Variants in R3HCC1L observed in about 807,000 individuals in gnomAD.
R3HCC1L encodes R3H domain and coiled-coil containing 1 like.
Under a neutral mutation model 59.9 loss-of-function variants are expected in R3HCC1L, and 51 were observed. That is an observed-to-expected ratio of 0.85 (90% confidence interval 0.68 to 1.07). R3HCC1L has a LOEUF of 1.07. Ranked by LOEUF, R3HCC1L falls within the 50% of genes least tolerant of loss-of-function variation. R3HCC1L has a pLI of 0.00. For missense variants in R3HCC1L, 965 were observed against 933.0 expected, an observed-to-expected ratio of 1.03 and a Z score of -0.45; for synonymous variants, 322 against 315.2, an observed-to-expected ratio of 1.02 and a Z score of -0.23.
Position 98,231,563 on chromosome 10 carries a change from T to C in R3HCC1L, c.1837T>C (p.Tyr613His). The C allele has an allele frequency of 6.2e-7, 1 of 1,613,260 alleles. No individual in the cohort carries two copies. Among genetic ancestry groups the C allele is most frequent in the Non-Finnish European group, 8.5e-7 (1 of 1,179,466 alleles). ...RESIQEPRSDYYNHEVPDIDL... is the reference protein window; with the variant it reads ...RESIQEPRSDHYNHEVPDIDL... ...GAGCATCCAGGAACCTAGATCTGAT[T>C]ACTACAATCATGAAGTTCCTGATAT... Residue 613 changes from tyrosine (Y) to histidine (H), a missense_variant, in exon 6 of 10, where the codon TAC becomes CAC. Coordinates refer to ENST00000298999, the MANE Select transcript of R3HCC1L (RefSeq NM_001351015.2).
chr10:98,151,330 A>C (rs1445240447), intron 1 of R3HCC1L, among the ~76,000 whole-genome samples: 6 of 152,118 alleles, frequency 3.9e-5, no homozygotes, highest in Admixed American at 2.6e-4. Context: ...TGTCTTGAGC[A>C]ATTTATTTAA....
rs757629684 is a variant in R3HCC1L at position 98,208,318 on chromosome 10, T to C, written c.204T>C (p.Ala68=). ...AAGTCTTTAAAGACAAACCGGAGGC[T>C]CGAAGACTAAATATCAATCCTGATA... ...QKEVFKDKPE[A]RRLNINPDRK... The change falls in exon 5 of 10, where the codon GCT becomes GCC. Residue 68 remains alanine, a synonymous_variant. Coordinates refer to ENST00000298999, the MANE Select transcript of R3HCC1L (RefSeq NM_001351015.2). 1.9e-6 allele frequency: 3 copies of C among 1,614,096 alleles called. No individual in the cohort carries two copies. The South Asian group carries it at 3.3e-5, about 18-fold the overall frequency.
intron 4 of R3HCC1L, among the ~76,000 whole-genome samples, chr10:98,184,199 AT>A (rs1849984170): frequency 6.6e-6 from 1 of 151,948 alleles, no homozygotes; most frequent in Non-Finnish European, 1.5e-5. Flanking sequence ...GTTTTTCTTA[AT>A]GTCTACCCTC....
At chr10:98,172,920 G>C (rs952395210) in intron 4 of R3HCC1L, among the ~76,000 whole-genome samples, 3 of 152,168 alleles carry the variant, frequency 2.0e-5, no homozygotes, top group African/African-American at 7.2e-5. Flanking sequence ...GACCCTTTCG[G>C]TGGGGAATTT....
At chr10:98,231,404 G>A (rs1220557098) in intron 5 of R3HCC1L, 108 bp from the exon 6 acceptor site, 1 of 1,035,524 alleles carries the variant, frequency 9.7e-7, no homozygotes, top group Non-Finnish European at 1.4e-6. Flanking sequence ...AAAGGTTGAG[G>A]AATGGGAACA....
intron 1 of R3HCC1L, among the ~76,000 whole-genome samples, chr10:98,154,238 T>G (rs1846606678): frequency 6.8e-6 from 1 of 146,966 alleles, no homozygotes; most frequent in Admixed American, 6.8e-5. Flanking sequence ...AGTAAGGCAG[T>G]ACATCTTAGC....
chr10:98,188,999 G>T (rs1205569394), intron 4 of R3HCC1L, among the ~76,000 whole-genome samples: 1 of 152,138 alleles, frequency 6.6e-6, no homozygotes, highest in Non-Finnish European at 1.5e-5. Flanking sequence ...GAGTTGTCAG[G>T]TGAGCAAATA....
At chr10:98,238,531 T>G (rs765601667) in intron 9 of R3HCC1L, among the ~76,000 whole-genome samples, 4 of 152,178 alleles carry the variant, frequency 2.6e-5, no homozygotes, top group Non-Finnish European at 5.9e-5. Context: ...TTACAGGTTA[T>G]GATGATATTG....
intron 9 of R3HCC1L, among the ~76,000 whole-genome samples, chr10:98,238,373 C>T (rs1857178760): frequency 6.6e-6 from 1 of 152,180 alleles, no homozygotes. Flanking sequence ...TGAAGATAAT[C>T]TGCCTTGAGT....
At chr10:98,221,759 C>G (rs975831114) in intron 5 of R3HCC1L, among the ~76,000 whole-genome samples, 138 of 152,282 alleles carry the variant, frequency 9.1e-4, no homozygotes, top group African/African-American at 2.9e-3. Flanking sequence ...GGTACCAGTA[C>G]CATGCTGTTT....
intron 5 of R3HCC1L, among the ~76,000 whole-genome samples, chr10:98,215,626 T>A (rs901260843): frequency 6.6e-6 from 1 of 152,200 alleles, no homozygotes; most frequent in African/African-American, 2.4e-5. Flanking sequence ...CAAAAATCTT[T>A]GTTGCAGAAT....
intron 9 of R3HCC1L, among the ~76,000 whole-genome samples, chr10:98,239,389 C>G (rs1212620131): frequency 6.6e-6 from 1 of 152,122 alleles, no homozygotes; most frequent in Non-Finnish European, 1.5e-5. Flanking sequence ...GAATTGAAAT[C>G]TATATATCAT....
chr10:98,163,477 C>G (rs1847641094), intron 4 of R3HCC1L, 80 bp downstream of exon 4: 1 of 926,854 alleles, frequency 1.1e-6, no homozygotes, highest in Non-Finnish European at 1.5e-6. Context: ...TATTTTGTTT[C>G]TTCAGTTATC....
intron 4 of R3HCC1L, 57 bp from the exon 5 acceptor site, chr10:98,208,044 T>C: frequency 6.9e-7 from 1 of 1,448,268 alleles, no homozygotes; most frequent in East Asian, 2.4e-5. Flanking sequence ...AAAGAAAATA[T>C]TTTGGTTCAA....
intron 9 of R3HCC1L, among the ~76,000 whole-genome samples, chr10:98,239,179 T>G (rs1240192536): frequency 2.0e-5 from 3 of 152,212 alleles, no homozygotes; most frequent in Non-Finnish European, 2.9e-5. Context: ...GGAAAAGTGC[T>G]TTACAAATTC....
At chr10:98,144,283 T>G (rs1845445136) in intron 1 of R3HCC1L, among the ~76,000 whole-genome samples, 1 of 152,192 alleles carries the variant, frequency 6.6e-6, no homozygotes, top group Non-Finnish European at 1.5e-5. Context: ...TGATGTGATC[T>G]CAGCTCACTG....
chr10:98,224,456 A>G (rs748337334), intron 5 of R3HCC1L, among the ~76,000 whole-genome samples: 12 of 152,218 alleles, frequency 7.9e-5, no homozygotes, highest in African/African-American at 1.2e-4. Context: ...GGGCAATAAC[A>G]TCATTACTAG....
At chr10:98,145,333 T>G (rs7912705) in intron 1 of R3HCC1L, among the ~76,000 whole-genome samples, 24,923 of 152,138 alleles carry the variant, frequency 0.16, 2,311 homozygotes, top group Non-Finnish European at 0.2. Context: ...GAGTAAGATA[T>G]GGGGTTAGAA....
chr10:98,152,321 C>T lies in R3HCC1L; in HGVS notation c.-267-3772C>T, dbSNP rs181396124. Among the ~76,000 whole-genome samples the T allele has an allele frequency of 3.3e-3, 501 of 152,126 alleles. 11 individuals carry two copies. The highest frequency in any genetic ancestry group is 0.026 in the Admixed American group (403 of 15,298). ...CTAGCTACGACCTCCACCTCCCAGC[C>T]GCCTGCCTTGGCCTCCCAAAGTGCT... On this transcript the variant is annotated intron_variant, in intron 1 of 9. Transcript: ENST00000298999.
Sources: allele counts gnomAD v4.1 joint callset (sites outside exome capture counted in the v4.1 genomes callset), GRCh38; gene constraint gnomAD v4.1.1; transcripts MANE v1.5; gene names NCBI Gene and HGNC (gene_info 2026-07-23, HGNC 2026-07-21).